The following NCAM1 variants were observed in gnomAD, a reference collection of about 807,000 sequenced individuals.
NCAM1 encodes antigen recognized by monoclonal antibody 5.1H11.
NCAM1 carries 14 observed loss-of-function variants against 109.8 expected under a neutral mutation model. The observed-to-expected ratio is 0.13, with a 90% confidence interval of 0.08 to 0.20. The LOEUF (loss-of-function observed/expected upper bound fraction) is 0.20. Ranked by LOEUF, NCAM1 falls within the 10% of genes least tolerant of loss-of-function variation. The probability of loss-of-function intolerance (pLI) is 1.00; values close to 1 mark genes in which losing one functional copy is unlikely to be tolerated. For missense variants in NCAM1, 774 were observed against 1,109.9 expected (o/e 0.70, Z 4.30); for synonymous variants, 418 against 442.9 (o/e 0.94, Z 0.70).
chr11:113,255,511 T>G (rs1167094552), intron 15 of NCAM1, among the ~76,000 whole-genome samples: 1 of 151,002 alleles, frequency 6.6e-6, no homozygotes, highest in Non-Finnish European at 1.5e-5. Context: ...TTTCAGGCTG[T>G]TCCTCAAGAT....
At chr11:113,074,779 A>G (rs1938452504) in intron 1 of NCAM1, among the ~76,000 whole-genome samples, 1 of 152,076 alleles carries the variant, frequency 6.6e-6, no homozygotes, top group Admixed American at 6.6e-5. Context: ...TTACAGGCCC[A>G]TGCCACCATG....
chr11:113,275,597 T>C lies in NCAM1; in HGVS notation c.*210T>C. The C allele has an allele frequency of 3.5e-6, 2 of 576,738 alleles. No individual in the cohort carries two copies. Among genetic ancestry groups the C allele is most frequent in the Non-Finnish European group, 2.8e-6 (1 of 363,286 alleles). The allele number at this position is 576,738 out of a possible 1,614,324, so 35.7% of individuals were successfully genotyped here. A position where few individuals can be genotyped will look rare whatever the true frequency, so the allele number is the denominator to read the frequency against. On this transcript the variant is annotated 3_prime_UTR_variant, in exon 20 of 20. Transcript: ENST00000316851. ...CCTTTTTGTAGGTTTATAGAAAGGGTCCCTTTGTTGCACACTCACTTGTAA... is the reference window on the plus strand; with the variant it reads ...CCTTTTTGTAGGTTTATAGAAAGGGCCCCTTTGTTGCACACTCACTTGTAA...
rs902862482 is a variant in NCAM1 at position 113,274,966 on chromosome 11, C to T, written c.2457-301C>T. The stretch of plus-strand genomic sequence containing the variant: ...CACAGCCTCTGGCATCAACTTAGGG[C>T]TGGAAGAGGAAAGGACTCGTTCTTC... On this transcript the variant is annotated intron_variant, in intron 19 of 19. Coordinates refer to ENST00000316851, the MANE Select transcript of NCAM1 (RefSeq NM_181351.5). This position sits in a 1 kb window ranked among gnomAD's most constrained non-coding sequence, Gnocchi z 4.1. Among the ~76,000 whole-genome samples the T allele has an allele frequency of 3.7e-4, 57 of 152,194 alleles. No homozygotes were observed. Among genetic ancestry groups the T allele is most frequent in the African/African-American group, 1.2e-3 (48 of 41,454 alleles).
intron 3 of NCAM1, among the ~76,000 whole-genome samples, chr11:113,205,249 CT>C (rs1463505728): frequency 1.3e-5 from 2 of 152,124 alleles, no homozygotes; most frequent in African/African-American, 4.8e-5. Flanking sequence ...ACAAGGAACC[CT>C]TGGTGAAGAT....
At chr11:113,176,254 A>T (rs1943139937) in intron 1 of NCAM1, among the ~76,000 whole-genome samples, 2 of 152,218 alleles carry the variant, frequency 1.3e-5, no homozygotes, top group Non-Finnish European at 2.9e-5. Flanking sequence ...GGATGCACAG[A>T]ACAAGGACAA....
chr11:113,266,748 A>G (rs1395064065), intron 17 of NCAM1, among the ~76,000 whole-genome samples: 1 of 152,236 alleles, frequency 6.6e-6, no homozygotes, highest in Non-Finnish European at 1.5e-5. Flanking sequence ...AAATAAAATC[A>G]CAAGGATCAG....
chr11:113,168,581 A>G (rs1555105658), intron 1 of NCAM1, among the ~76,000 whole-genome samples: 1 of 152,180 alleles, frequency 6.6e-6, no homozygotes, highest in Non-Finnish European at 1.5e-5. Context: ...GTTGATATCC[A>G]TTACCTAGTA....
intron 1 of NCAM1, among the ~76,000 whole-genome samples, chr11:113,046,712 A>G (rs1953279281): frequency 6.6e-6 from 1 of 152,196 alleles, no homozygotes; most frequent in Admixed American, 6.5e-5. Context: ...ATGAACAGGA[A>G]GAAAGAAAGG....
chr11:113,099,092 A>G (rs1021525497), intron 1 of NCAM1, among the ~76,000 whole-genome samples: 4 of 152,194 alleles, frequency 2.6e-5, no homozygotes, highest in Non-Finnish European at 4.4e-5. Context: ...AGGCGCTATT[A>G]CTTTCCTTCC....
chr11:113,227,560 G>A (rs1555116471), intron 9 of NCAM1, among the ~76,000 whole-genome samples: 4 of 152,160 alleles, frequency 2.6e-5, no homozygotes, highest in Admixed American at 2.6e-4. Context: ...GAAAAAGAGG[G>A]AATCTTCTCT....
At chr11:113,137,014 TAGAG>T (rs1941625714) in intron 1 of NCAM1, among the ~76,000 whole-genome samples, 1 of 152,092 alleles carries the variant, frequency 6.6e-6, no homozygotes, top group South Asian at 2.1e-4. Flanking sequence ...ACAGTATGCT[TAGAG>T]AGAGTCACGT....
intron 1 of NCAM1, among the ~76,000 whole-genome samples, chr11:113,141,709 A>G (rs1941829404): frequency 6.6e-6 from 1 of 152,044 alleles, no homozygotes; most frequent in African/African-American, 2.4e-5. Context: ...AAATAGACAG[A>G]AAGTGCTCAA....
At chr11:112,973,483 G>T (rs1395380059) in intron 1 of NCAM1, among the ~76,000 whole-genome samples, 1 of 152,024 alleles carries the variant, frequency 6.6e-6, no homozygotes, top group Admixed American at 6.6e-5. Flanking sequence ...TCTCCTTTTG[G>T]TGTTGGAGGC....
At chr11:113,160,895 T>C (rs1267321079) in intron 1 of NCAM1, among the ~76,000 whole-genome samples, 1 of 152,184 alleles carries the variant, frequency 6.6e-6, no homozygotes, top group Non-Finnish European at 1.5e-5. Flanking sequence ...TGTCTGGGCC[T>C]TGTCTGTTCC....
Position 113,275,275 on chromosome 11 carries a change from C to G in NCAM1, c.2465C>G (p.Pro822Arg), listed in dbSNP as rs1946378409. 6.2e-7 allele frequency: 1 copy of G among 1,613,534 alleles called. No individual in the cohort carries two copies. The highest frequency in any genetic ancestry group is 1.7e-5 in the Admixed American group (1 of 59,970). ...TTPLTEPEKGPVEAKPECQET... is the reference protein window; with the variant it reads ...TTPLTEPEKGRVEAKPECQET... Reference sequence around the variant, plus strand: ...TTCCTGATTCTCTGCAGGAAGGGCCCCGTAGAAGCAAAGCCAGAGTGCCAG... The same window carrying G: ...TTCCTGATTCTCTGCAGGAAGGGCCGCGTAGAAGCAAAGCCAGAGTGCCAG... Residue 822 changes from proline (P) to arginine (R), a missense_variant, in exon 20 of 20, where the codon CCC becomes CGC. Physicochemically the swap from Pro to Arg is moderately radical, Grantham distance 103. Coordinates refer to ENST00000316851, the MANE Select transcript of NCAM1 (RefSeq NM_181351.5).
intron 1 of NCAM1, among the ~76,000 whole-genome samples, chr11:113,137,403 T>C (rs1211860224): frequency 6.6e-6 from 1 of 152,264 alleles, no homozygotes; most frequent in East Asian, 1.9e-4. Context: ...TTCTCCATTA[T>C]GCTTTTGGCC....
In NCAM1 at chr11:113,214,419, G is replaced by A. The variant is rs781979983; in HGVS notation, c.967G>A (p.Glu323Lys). 1 of 1,613,848 alleles carries A rather than the reference G, an allele frequency of 6.2e-7. No homozygotes were observed. The highest frequency in any genetic ancestry group is 2.2e-5 in the East Asian group (1 of 44,880). Reference sequence around the variant, plus strand: ...GAACCAGACTGCCATGGAATTAGAGGAGCAGGTCACTCTTACCTGTGAAGC... The same window carrying A: ...GAACCAGACTGCCATGGAATTAGAGAAGCAGGTCACTCTTACCTGTGAAGC... ...VENQTAMELEEQVTLTCEASG... is the reference protein window; with the variant it reads ...VENQTAMELEKQVTLTCEASG... The change falls in exon 8 of 20, where the codon GAG (glutamate) becomes AAG (lysine). Residue 323 changes from glutamate (E) to lysine (K), a missense_variant. Coordinates refer to ENST00000316851, the MANE Select transcript of NCAM1 (RefSeq NM_181351.5).
At chr11:112,988,969 A>G (rs1555070144) in intron 1 of NCAM1, among the ~76,000 whole-genome samples, 1 of 152,062 alleles carries the variant, frequency 6.6e-6, no homozygotes, top group Non-Finnish European at 1.5e-5. Flanking sequence ...GGTGGTCTCG[A>G]ATTCCTGGCC....
rs371091897 is a variant in NCAM1, at chr11:113,275,775, G to A, written c.*388G>A. 2.3e-4 allele frequency: 40 copies of A among 170,724 alleles called. 1 individual carries two copies. In the South Asian group the frequency reaches 5.7e-3, roughly 24 times the overall value. The allele number at this position is 170,724 out of a possible 1,614,324, so 10.6% of individuals were successfully genotyped here. A position where few individuals can be genotyped will look rare whatever the true frequency, so the allele number is the denominator to read the frequency against. ...AGGAAGACCACACTTGGTGTTACCC[G>A]ATTGGCACAGACCAGTTTCAGAGAA... On this transcript the variant is annotated 3_prime_UTR_variant, in exon 20 of 20. Coordinates refer to ENST00000316851, the MANE Select transcript of NCAM1 (RefSeq NM_181351.5).
Sources: allele counts gnomAD v4.1 joint callset (sites outside exome capture counted in the v4.1 genomes callset), GRCh38; gene constraint gnomAD v4.1.1; non-coding constraint Gnocchi (gnomAD v3.1); transcripts MANE v1.5; gene names NCBI Gene and HGNC (gene_info 2026-07-23, HGNC 2026-07-21).